The following CHRM3 variants were observed in gnomAD, a reference collection of about 807,000 sequenced individuals.
CHRM3 encodes cholinergic receptor muscarinic 3.
In CHRM3, 11 loss-of-function variants were observed where a neutral mutation model predicts 41.8. The observed-to-expected ratio is 0.26, with a 90% CI of 0.17 to 0.44. The LOEUF (loss-of-function observed/expected upper bound fraction) is 0.44, where lower values mean the gene tolerates loss of function less well. Ranked by LOEUF, CHRM3 falls within the 20% of genes least tolerant of loss-of-function variation. The pLI is 1.00. For synonymous variants in CHRM3, 297 were observed against 301.4 expected, an observed-to-expected ratio of 0.99 and a Z score of 0.15; for missense variants, 571 against 745.4, an observed-to-expected ratio of 0.77 and a Z score of 2.72.
chr1:239,744,982 G>C (rs189342771), intron 5 of CHRM3, among the ~76,000 whole-genome samples: 1 of 152,246 alleles, frequency 6.6e-6, no homozygotes, highest in East Asian at 1.9e-4. Flanking sequence ...AGGACATGGA[G>C]CAAGGGGTGG....
chr1:239,862,685 T>C (rs1675737101), intron 6 of CHRM3, among the ~76,000 whole-genome samples: 1 of 152,288 alleles, frequency 6.6e-6, no homozygotes, highest in Non-Finnish European at 1.5e-5. Context: ...TGAAAATAAA[T>C]ATGACTAAGA....
intron 5 of CHRM3, among the ~76,000 whole-genome samples, chr1:239,811,528 TCA>T (rs1230053303): frequency 6.6e-6 from 1 of 152,214 alleles, no homozygotes; most frequent in African/African-American, 2.4e-5. Context: ...ACAAAGCTAT[TCA>T]CAGACTCCTT....
At chr1:239,582,938 A>G (rs1162214457) in intron 3 of CHRM3, among the ~76,000 whole-genome samples, 1 of 152,130 alleles carries the variant, frequency 6.6e-6, no homozygotes, top group Non-Finnish European at 1.5e-5. Context: ...AGAGTCATAG[A>G]AGCTACTCTG....
intron 1 of CHRM3, among the ~76,000 whole-genome samples, chr1:239,437,523 C>T (rs1194289463): frequency 6.6e-6 from 1 of 152,086 alleles, no homozygotes; most frequent in Non-Finnish European, 1.5e-5. Context: ...ACATGGAAAG[C>T]CTTTCTTTTT....
chr1:239,588,664 G>T (rs1387057396), intron 3 of CHRM3, among the ~76,000 whole-genome samples: 1 of 152,090 alleles, frequency 6.6e-6, no homozygotes. Flanking sequence ...CTTTTGTCCT[G>T]TGACAAAAGA....
At chr1:239,640,353 C>T (rs1352716856) in intron 4 of CHRM3, among the ~76,000 whole-genome samples, 1 of 152,214 alleles carries the variant, frequency 6.6e-6, no homozygotes, top group Non-Finnish European at 1.5e-5. Flanking sequence ...CCAGTTCCTC[C>T]TTTTACCTCT....
intron 2 of CHRM3, among the ~76,000 whole-genome samples, chr1:239,532,325 C>T (rs909392059): frequency 1.4e-5 from 2 of 140,136 alleles, no homozygotes; most frequent in Non-Finnish European, 1.6e-5. Flanking sequence ...GAGTATATTT[C>T]TTATAAAATA....
At chr1:239,598,463 T>C (rs1042141532) in intron 3 of CHRM3, among the ~76,000 whole-genome samples, 4 of 152,196 alleles carry the variant, frequency 2.6e-5, no homozygotes, top group Non-Finnish European at 4.4e-5. Flanking sequence ...TTGGTCTTAA[T>C]ATAAATGCCT....
chr1:239,404,727 T>TA lies in CHRM3; in HGVS notation c.-521+17501dup, dbSNP rs1219637169. 8.2e-3 allele frequency among the ~76,000 whole-genome samples: 1,018 copies of TA among 124,472 alleles called. 22 individuals carry two copies. Among genetic ancestry groups the TA allele is most frequent in the African/African-American group, 0.03 (906 of 29,926 alleles). 81.7% of individuals were successfully genotyped at this position (124,472 alleles called of 152,430 possible). On this transcript the variant is annotated intron_variant, in intron 1 of 6. Transcript: ENST00000676153. The stretch of plus-strand genomic sequence containing the variant: ...GTATCATGCTATATCTAAATATATA[T>TA]ATATATATATATATATATATATATA...
At chr1:239,633,161 T>G (rs1226631052) in intron 4 of CHRM3, among the ~76,000 whole-genome samples, 1 of 152,122 alleles carries the variant, frequency 6.6e-6, no homozygotes, top group South Asian at 2.1e-4. Flanking sequence ...TCAGTAGAGA[T>G]GGGGTTTCAC....
intron 3 of CHRM3, among the ~76,000 whole-genome samples, chr1:239,573,726 G>C (rs780317424): frequency 1.3e-5 from 2 of 151,924 alleles, no homozygotes; most frequent in Non-Finnish European, 2.9e-5. Context: ...TCACTGTATT[G>C]TTCTCTTTTA....
At chr1:239,472,725 G>C (rs375224062) in intron 1 of CHRM3, among the ~76,000 whole-genome samples, 2 of 151,820 alleles carry the variant, frequency 1.3e-5, no homozygotes, top group South Asian at 2.1e-4. Flanking sequence ...GGGCCTGTTG[G>C]GGGTGGGATG....
intron 1 of CHRM3, among the ~76,000 whole-genome samples, chr1:239,447,700 C>T (rs1023422918): frequency 1.3e-5 from 2 of 152,094 alleles, no homozygotes; most frequent in Non-Finnish European, 1.5e-5. Context: ...CACTAGAACC[C>T]GGGAGGCAGA....
chr1:239,404,410 AAAAGAAAG>A lies in CHRM3; in HGVS notation c.-521+17235_-521+17242del, dbSNP rs1170633500. 6.7e-3 allele frequency among the ~76,000 whole-genome samples: 349 copies of A among 51,712 alleles called. 13 individuals carry two copies. The highest frequency in any genetic ancestry group is 0.019 in the African/African-American group (298 of 15,518). The allele number at this position is 51,712 out of a possible 152,430, so 33.9% of individuals were successfully genotyped here. The stretch of plus-strand genomic sequence containing the variant: ...AAAGAAAGAAAGAAAGAAAGAAAGA[AAAAGAAAG>A]AAAGAAAGAAAGAAAGAAAGAAAGA... On this transcript the variant is annotated intron_variant, in intron 1 of 6. Coordinates refer to ENST00000676153, the MANE Select transcript of CHRM3 (RefSeq NM_001375978.1).
At chr1:239,632,899 C>T (rs1352619938) in intron 4 of CHRM3, among the ~76,000 whole-genome samples, 1 of 152,226 alleles carries the variant, frequency 6.6e-6, no homozygotes, top group African/African-American at 2.4e-5. Flanking sequence ...TTAATTGTCT[C>T]ACAGTTCTAC....
chr1:239,735,309 C>G (rs890511456), intron 5 of CHRM3, among the ~76,000 whole-genome samples: 240 of 152,240 alleles, frequency 1.6e-3, no homozygotes, highest in African/African-American at 4.6e-3. Flanking sequence ...AGCACATTGC[C>G]TGTGTCCATT....
intron 5 of CHRM3, among the ~76,000 whole-genome samples, chr1:239,753,318 A>G (rs1401062550): frequency 4.6e-5 from 7 of 152,174 alleles, no homozygotes; most frequent in African/African-American, 1.4e-4. Context: ...ACTGCTATAA[A>G]GAACTACCCA....
intron 1 of CHRM3, among the ~76,000 whole-genome samples, chr1:239,439,523 AT>A (rs1418539679): frequency 6.6e-6 from 1 of 152,204 alleles, no homozygotes; most frequent in Non-Finnish European, 1.5e-5. Flanking sequence ...TGAGAGGAGA[AT>A]TGAAATAGGG....
intron 5 of CHRM3, chr1:239,703,465 T>C (rs995259771): frequency 1.3e-5 from 2 of 152,182 alleles, no homozygotes; most frequent in African/African-American, 4.8e-5. Context: ...AGGCAAACAG[T>C]TGATGACTGT....
Sources: allele counts gnomAD v4.1 joint callset (sites outside exome capture counted in the v4.1 genomes callset), GRCh38; gene constraint gnomAD v4.1.1; transcripts MANE v1.5; gene names NCBI Gene and HGNC (gene_info 2026-07-23, HGNC 2026-07-21).